CCNY: variants seen among roughly 807,000 people sequenced by gnomAD.
CCNY encodes cyclin-Y.
In CCNY, 19 loss-of-function variants were observed where a neutral mutation model predicts 42.8. The ratio of observed to expected loss-of-function variants is 0.44; its 90% CI spans 0.31 to 0.65. The LOEUF (loss-of-function observed/expected upper bound fraction) is 0.65. Among genes scored for constraint, CCNY ranks in the 30% least tolerant of loss-of-function variants. The probability of loss-of-function intolerance (pLI) is 0.07; values close to 1 mark genes in which losing one functional copy is unlikely to be tolerated. For synonymous variants in CCNY, 165 were observed against 162.7 expected (o/e 1.01, Z -0.11); for missense variants, 370 against 437.3 (o/e 0.85, Z 1.37).
chr10:35,252,961 A>C (rs2095712992), intron 3 of CCNY, among the ~76,000 whole-genome samples: 1 of 152,198 alleles, frequency 6.6e-6, no homozygotes, highest in South Asian at 2.1e-4. Flanking sequence ...AGGTTAAAAA[A>C]ATATTCCATA....
At chr10:35,528,913 G>C (rs747469024) in intron 5 of CCNY, among the ~76,000 whole-genome samples, 1 of 152,200 alleles carries the variant, frequency 6.6e-6, no homozygotes, top group Non-Finnish European at 1.5e-5. Context: ...TGACACTGAA[G>C]CACAGACTAT....
intron 3 of CCNY, among the ~76,000 whole-genome samples, chr10:35,290,323 A>C (rs1835399617): frequency 6.7e-6 from 1 of 150,342 alleles, no homozygotes; most frequent in Non-Finnish European, 1.5e-5. Context: ...AGGTTGAGGC[A>C]TGGACTCACT....
intron 3 of CCNY, among the ~76,000 whole-genome samples, chr10:35,280,199 T>C (rs1186361599): frequency 6.6e-6 from 1 of 152,100 alleles, no homozygotes; most frequent in Non-Finnish European, 1.5e-5. Context: ...TGGTGGTGCA[T>C]GCCTTTAGTC....
chr10:35,259,132 C>A (rs982078349), intron 3 of CCNY, among the ~76,000 whole-genome samples: 8 of 152,114 alleles, frequency 5.3e-5, no homozygotes, highest in Non-Finnish European at 1.2e-4. Flanking sequence ...AGAGATTCTG[C>A]CCGGGTAATT....
chr10:35,418,460 G>A (rs1327624377), intron 1 of CCNY, among the ~76,000 whole-genome samples: 1 of 152,206 alleles, frequency 6.6e-6, no homozygotes, highest in Non-Finnish European at 1.5e-5. Flanking sequence ...TGGGCAATCA[G>A]TTTTCATCTA....
intron 2 of CCNY, among the ~76,000 whole-genome samples, chr10:35,249,496 TTTC>T (rs2095710335): frequency 6.6e-6 from 1 of 152,246 alleles, no homozygotes; most frequent in Non-Finnish European, 1.5e-5. Flanking sequence ...TCACATTTTA[TTTC>T]TTAACTGCAA....
At chr10:35,305,004 G>C (rs1196157195) in intron 3 of CCNY, among the ~76,000 whole-genome samples, 1 of 152,062 alleles carries the variant, frequency 6.6e-6, no homozygotes, top group African/African-American at 2.4e-5. Flanking sequence ...TAATATACAA[G>C]TGTCATGTAG....
rs949025025 is a variant in CCNY at position 35,569,867 on chromosome 10, A to G, written c.*697A>G. Reference sequence around the variant, plus strand: ...GCGAAATTGACTGTAGTGCTGAACCAAAAGTATCCCTTTCCCTCCTTATTC... The same window carrying G: ...GCGAAATTGACTGTAGTGCTGAACCGAAAGTATCCCTTTCCCTCCTTATTC... On this transcript the variant is annotated 3_prime_UTR_variant, in exon 10 of 10. Transcript: ENST00000374704. The G allele has an allele frequency of 1.3e-5, 2 of 152,812 alleles. No homozygotes were observed. 9.5% of individuals were successfully genotyped at this position (152,812 alleles called of 1,614,324 possible).
chr10:35,402,322 A>G (rs1178718832), intron 1 of CCNY, among the ~76,000 whole-genome samples: 1 of 152,318 alleles, frequency 6.6e-6, no homozygotes, highest in African/African-American at 2.4e-5. Context: ...CGAATAAAAG[A>G]AGGAGAAAAC....
At chr10:35,479,997 T>C (rs1028686293) in intron 1 of CCNY, among the ~76,000 whole-genome samples, 2 of 151,838 alleles carry the variant, frequency 1.3e-5, no homozygotes, top group Admixed American at 1.3e-4. Flanking sequence ...TTTTCCCCTT[T>C]TTTTTTTTGT....
intron 7 of CCNY, among the ~76,000 whole-genome samples, chr10:35,532,527 A>G (rs1840790028): frequency 6.6e-6 from 1 of 152,250 alleles, no homozygotes; most frequent in Non-Finnish European, 1.5e-5. Flanking sequence ...TTAAAAGAGT[A>G]ACAATAACTT....
intron 1 of CCNY, among the ~76,000 whole-genome samples, chr10:35,247,349 T>C (rs1055486017): frequency 2.0e-5 from 3 of 152,048 alleles, no homozygotes; most frequent in Non-Finnish European, 2.9e-5. Flanking sequence ...ATCCCAGCAC[T>C]TTGGGAGGCT....
chr10:35,304,321 T>A lies in CCNY; in HGVS notation c.-9+53695T>A, dbSNP rs1419905779. On this transcript the variant is annotated intron_variant, in intron 3 of 11. Coordinates refer to the CCNY transcript ENST00000374706. ...TTTTTTTTTTTTTTTATTTTTTATT[T>A]TTTTTTGAGACGGAGTCTCGCTCTG... Among the ~76,000 whole-genome samples the A allele has an allele frequency of 5.8e-5, 3 of 51,824 alleles. 1 individual carries two copies. The highest frequency in any genetic ancestry group is 5.4e-4 in the East Asian group (1 of 1,844). 34.0% of individuals were successfully genotyped at this position (51,824 alleles called of 152,430 possible). A position where few individuals can be genotyped will look rare whatever the true frequency, so the allele number is the denominator to read the frequency against.
chr10:35,530,057 A>G lies in CCNY; in HGVS notation c.459+27A>G, dbSNP rs770864873. ...TAATCTCCTCCGTGTGTTTCATGAG[A>G]TGATTTAATTATTTCTCTTTTGCTC... is the stretch of plus-strand genomic sequence containing the variant. On this transcript the variant is annotated intron_variant, in intron 6 of 9. Coordinates refer to ENST00000374704, the MANE Select transcript of CCNY (RefSeq NM_145012.6). The surrounding 1 kb of genome is among the most constrained non-coding windows in gnomAD (Gnocchi z 4.3). 1.9e-6 allele frequency: 3 copies of G among 1,614,046 alleles called. No homozygotes were observed. The highest frequency in any genetic ancestry group is 2.5e-6 in the Non-Finnish European group (3 of 1,179,910).
At chr10:35,340,819 T>G (rs565983142) in intron 1 of CCNY, among the ~76,000 whole-genome samples, 1 of 152,300 alleles carries the variant, frequency 6.6e-6, no homozygotes, top group Non-Finnish European at 1.5e-5. Context: ...TTTTCATTTT[T>G]ATAGTTTACC....
At chr10:35,544,959 T>C (rs184068024) in intron 7 of CCNY, among the ~76,000 whole-genome samples, 3 of 152,324 alleles carry the variant, frequency 2.0e-5, no homozygotes, top group Non-Finnish European at 2.9e-5. Context: ...AAAGGCCTCC[T>C]TTTAGAGGGC....
At chr10:35,538,035 C>G (rs990752969) in intron 7 of CCNY, among the ~76,000 whole-genome samples, 7 of 152,068 alleles carry the variant, frequency 4.6e-5, no homozygotes, top group Non-Finnish European at 7.4e-5. Flanking sequence ...TTCCCCCATA[C>G]TGTTCTCATG....
intron 1 of CCNY, among the ~76,000 whole-genome samples, chr10:35,354,175 A>G (rs1589054668): frequency 6.6e-6 from 1 of 150,520 alleles, no homozygotes; most frequent in South Asian, 2.1e-4. Flanking sequence ...GATGGAAGCC[A>G]TACATAGTCT....
intron 1 of CCNY, among the ~76,000 whole-genome samples, chr10:35,475,273 A>G (rs374797928): frequency 0.049 from 7,509 of 152,210 alleles, 523 homozygotes; most frequent in African/African-American, 0.16. Context: ...ATTCAGATTC[A>G]GGAAATACAG....
Sources: gnomAD v4.1 joint callset for allele counts (sites outside exome capture counted in the v4.1 genomes callset) on GRCh38, gnomAD v4.1.1 for gene constraint, Gnocchi (gnomAD v3.1) non-coding constraint, MANE v1.5 for transcripts, NCBI Gene and HGNC (gene_info 2026-07-23, HGNC 2026-07-21) for gene names.